The following SORBS2 variants were observed in gnomAD, a reference collection of about 807,000 sequenced individuals.
SORBS2 encodes sorbin and SH3 domain containing 2, also known as sorbin and SH3 domain-containing protein 2.
In SORBS2, 46 loss-of-function variants were observed where a neutral mutation model predicts 97.7. The ratio of observed to expected loss-of-function variants is 0.47; its 90% CI spans 0.37 to 0.60. The LOEUF (loss-of-function observed/expected upper bound fraction) is 0.60, where lower values mean the gene tolerates loss of function less well. SORBS2 is among the 20% of genes least tolerant of loss of function. The pLI is 0.00. For synonymous variants in SORBS2, 476 were observed against 473.4 expected, an observed-to-expected ratio of 1.01 and a Z score of -0.07; for missense variants, 1,316 against 1,282.3, an observed-to-expected ratio of 1.03 and a Z score of -0.40.
At chr4:185,936,259 C>T (rs1267491615) in intron 1 of SORBS2, among the ~76,000 whole-genome samples, 2 of 152,188 alleles carry the variant, frequency 1.3e-5, no homozygotes, top group Non-Finnish European at 2.9e-5. Context: ...AGAAAAGCAC[C>T]AAGGCACATG....
intron 2 of SORBS2, chr4:185,774,533 G>GT (rs2098990282): frequency 6.6e-6 from 1 of 152,168 alleles, no homozygotes; most frequent in Non-Finnish European, 1.5e-5. Context: ...AAGTGCAAGC[G>GT]TAACGAGGGG....
intron 1 of SORBS2, among the ~76,000 whole-genome samples, chr4:185,951,534 C>T (rs2099277227): frequency 6.6e-6 from 1 of 152,188 alleles, no homozygotes; most frequent in South Asian, 2.1e-4. Context: ...TGACATTGCA[C>T]ATTCAGGATT....
chr4:185,748,074 CAA>C (rs919707089), intron 2 of SORBS2, among the ~76,000 whole-genome samples: 8 of 152,142 alleles, frequency 5.3e-5, no homozygotes, highest in African/African-American at 1.9e-4. Flanking sequence ...AATCTGGTAA[CAA>C]AGCTTGCTTT....
chr4:185,589,856 A>G (rs2095879334), intron 13 of SORBS2, 71 bp from the exon 26 acceptor site: 2 of 887,254 alleles, frequency 2.3e-6, no homozygotes, highest in African/African-American at 1.6e-5. Context: ...ATAGAACAAT[A>G]TTCATTCTTC....
intron 14 of SORBS2, chr4:185,589,292 A>G (rs2153353259): frequency 5.6e-6 from 1 of 178,016 alleles, no homozygotes; most frequent in East Asian, 1.6e-4. Context: ...TGTTCACTTA[A>G]TCTCACTCCC....
chr4:185,830,460 G>C (rs72705729), intron 1 of SORBS2, among the ~76,000 whole-genome samples: 428 of 152,314 alleles, frequency 2.8e-3, no homozygotes, highest in Admixed American at 5.9e-3. Context: ...GTTATGGAAG[G>C]AAGCAGCTGA....
At chr4:185,768,973 C>G (rs2098953603) in intron 2 of SORBS2, among the ~76,000 whole-genome samples, 1 of 152,104 alleles carries the variant, frequency 6.6e-6, no homozygotes, top group Non-Finnish European at 1.5e-5. Context: ...GTCTTGATTA[C>G]TGATACCATT....
chr4:185,724,179 CTT>C (rs893919845), intron 2 of SORBS2, among the ~76,000 whole-genome samples: 3 of 152,062 alleles, frequency 2.0e-5, no homozygotes, highest in African/African-American at 7.2e-5. Flanking sequence ...TAACCTACCT[CTT>C]GTTTCTTATT....
At chr4:185,851,072 C>T (rs182418871) in intron 1 of SORBS2, among the ~76,000 whole-genome samples, 1 of 152,156 alleles carries the variant, frequency 6.6e-6, no homozygotes, top group Non-Finnish European at 1.5e-5. Flanking sequence ...GATTTCCTGG[C>T]TGCCATAATC....
At chr4:185,593,607 G>A in intron 13 of SORBS2, 1 of 399,638 alleles carries the variant, frequency 2.5e-6, no homozygotes, top group Non-Finnish European at 4.5e-6. Context: ...AGAGCAGAGA[G>A]GGAGACAGAG....
At chr4:185,948,356 A>G (rs768251013) in intron 1 of SORBS2, among the ~76,000 whole-genome samples, 2 of 152,066 alleles carry the variant, frequency 1.3e-5, no homozygotes, top group Non-Finnish European at 2.9e-5. Context: ...CACCTCCCCT[A>G]ATATACATTA....
rs78952314 is a variant in SORBS2, at chr4:185,653,513, G to A, written c.25-785C>T. ...ATACACCCTAGCAATACGAATCTGG[G>A]CAAGTCATGTCACCTTCTTGAGCCT... On this transcript the variant is annotated intron_variant, in intron 1 of 14. Transcript: ENST00000418609. Among the ~76,000 whole-genome samples, 568 of 152,172 alleles carry A rather than the reference G, an allele frequency of 3.7e-3. 2 individuals are homozygous for A. The highest frequency in any genetic ancestry group is 0.013 in the African/African-American group (536 of 41,518).
At chr4:185,825,892 T>G (rs2099199514) in intron 1 of SORBS2, among the ~76,000 whole-genome samples, 1 of 152,206 alleles carries the variant, frequency 6.6e-6, no homozygotes, top group African/African-American at 2.4e-5. Flanking sequence ...TGCGATGACC[T>G]AGCTGGCTCA....
In SORBS2 at chr4:185,825,380, A is replaced by G. The variant is rs571413964; in HGVS notation, c.-337-50014T>C. 2.8e-4 allele frequency among the ~76,000 whole-genome samples: 42 copies of G among 152,328 alleles called. No individual in the cohort carries two copies. The South Asian group carries it at 8.7e-3, about 32-fold the overall frequency. ...GCCAAACAGGAATTATTTTTATTTG[A>G]CAGGTGAGAAAATAGGCTTAAAAAA... On this transcript the variant is annotated intron_variant, in intron 1 of 20. Transcript: ENST00000284776.
At chr4:185,902,345 G>A (rs2099248198) in intron 1 of SORBS2, among the ~76,000 whole-genome samples, 1 of 151,900 alleles carries the variant, frequency 6.6e-6, no homozygotes, top group Non-Finnish European at 1.5e-5. Context: ...AATATTAGAG[G>A]CTGTAGGGTC....
chr4:185,908,942 T>G (rs1379243599), intron 1 of SORBS2, among the ~76,000 whole-genome samples: 1 of 151,540 alleles, frequency 6.6e-6, no homozygotes, highest in East Asian at 1.9e-4. Context: ...AAATAAATTT[T>G]GTATATTTAT....
chr4:185,770,714 G>T (rs1274720804), intron 2 of SORBS2, among the ~76,000 whole-genome samples: 2 of 151,798 alleles, frequency 1.3e-5, no homozygotes, highest in African/African-American at 4.8e-5. Context: ...AATAAAACAA[G>T]TACATTGTAT....
At chr4:185,630,314 G>C (rs1279976771) in intron 5 of SORBS2, among the ~76,000 whole-genome samples, 3 of 152,104 alleles carry the variant, frequency 2.0e-5, no homozygotes, top group African/African-American at 7.2e-5. Context: ...TAAGGGAAGA[G>C]AAGGATTTCT....
chr4:185,837,357 T>C (rs13105062), intron 1 of SORBS2, among the ~76,000 whole-genome samples: 24,761 of 152,222 alleles, frequency 0.16, 2,147 homozygotes, highest in South Asian at 0.3. Flanking sequence ...AAATATGTTT[T>C]TGAAACTGCT....
Sources: gnomAD v4.1 joint callset for allele counts (sites outside exome capture counted in the v4.1 genomes callset) on GRCh38, gnomAD v4.1.1 for gene constraint, MANE v1.5 for transcripts, NCBI Gene and HGNC (gene_info 2026-07-23, HGNC 2026-07-21) for gene names.